Variants in ALK observed in about 807,000 individuals in gnomAD.
ALK encodes the protein ALK tyrosine kinase receptor.
In ALK, 74 loss-of-function variants were observed where a neutral mutation model predicts 163.1. That is an observed-to-expected ratio of 0.45 (90% CI 0.38 to 0.55). The LOEUF is 0.55. Among genes scored for constraint, ALK ranks in the 20% least tolerant of loss-of-function variants. ALK has a pLI of 0.00. For synonymous variants in ALK, 960 were observed against 843.2 expected (o/e 1.14, Z -2.40); for missense variants, 2,063 against 2,105.3 (o/e 0.98, Z 0.39).
chr2:29,699,849 C>T (rs933709745), intron 2 of ALK, among the ~76,000 whole-genome samples: 1 of 152,194 alleles, frequency 6.6e-6, no homozygotes, highest in South Asian at 2.1e-4. Context: ...GGTAATGGAA[C>T]CTTCTGGAAA....
chr2:29,626,073 A>G (rs1469438937), intron 3 of ALK, among the ~76,000 whole-genome samples: 1 of 152,242 alleles, frequency 6.6e-6, no homozygotes, highest in Non-Finnish European at 1.5e-5. Flanking sequence ...GGGCTCTAAG[A>G]ACTACTGATG....
chr2:29,197,253 T>C (rs1323884467), intron 27 of ALK, among the ~76,000 whole-genome samples: 1 of 152,160 alleles, frequency 6.6e-6, no homozygotes, highest in Non-Finnish European at 1.5e-5. Flanking sequence ...CAGCAGGGAC[T>C]GGGCCTGGGA....
intron 9 of ALK, among the ~76,000 whole-genome samples, chr2:29,293,530 T>A (rs1003922312): frequency 2.0e-5 from 3 of 152,054 alleles, no homozygotes; most frequent in African/African-American, 7.3e-5. Context: ...TGGGGATAAT[T>A]TTTTTTAAGT....
intron 3 of ALK, among the ~76,000 whole-genome samples, 200 bp from the exon 4 acceptor site, chr2:29,532,316 G>T (rs571214326): frequency 2.0e-5 from 3 of 152,274 alleles, no homozygotes; most frequent in Admixed American, 2.0e-4. Flanking sequence ...GGTGGACAGT[G>T]GCTGGAGACA....
chr2:29,900,587 G>A (rs1256809150), intron 1 of ALK, among the ~76,000 whole-genome samples: 1 of 152,218 alleles, frequency 6.6e-6, no homozygotes, highest in Non-Finnish European at 1.5e-5. Context: ...CTTGCACAGA[G>A]TGGGTACTTC....
chr2:29,196,070 G>T (rs1031811104), intron 28 of ALK, among the ~76,000 whole-genome samples: 1 of 152,092 alleles, frequency 6.6e-6, no homozygotes, highest in African/African-American at 2.4e-5. Flanking sequence ...AAATGAGGGA[G>T]AGAAGCAAAA....
chr2:29,543,447 G>C (rs1446538787), intron 3 of ALK, among the ~76,000 whole-genome samples: 1 of 152,170 alleles, frequency 6.6e-6, no homozygotes, highest in Non-Finnish European at 1.5e-5. Context: ...CTGCTTCCCA[G>C]TGCCAGCCCA....
chr2:29,416,980 T>A (rs1322670342), intron 4 of ALK, among the ~76,000 whole-genome samples: 1 of 50,296 alleles, frequency 2.0e-5, no homozygotes, highest in African/African-American at 7.0e-5. Context: ...TGTTTGATGC[T>A]TTTTTTTTTT....
intron 4 of ALK, among the ~76,000 whole-genome samples, chr2:29,387,590 T>C (rs1418522352): frequency 6.6e-6 from 1 of 152,166 alleles, no homozygotes; most frequent in African/African-American, 2.4e-5. Flanking sequence ...ATTAGCAAAA[T>C]GCAGGCATTG....
chr2:29,672,687 T>C (rs1677741657), intron 3 of ALK, among the ~76,000 whole-genome samples: 1 of 152,186 alleles, frequency 6.6e-6, no homozygotes, highest in South Asian at 2.1e-4. Flanking sequence ...TTTGGGTATA[T>C]ACCCAGTAAT....
intron 3 of ALK, among the ~76,000 whole-genome samples, chr2:29,674,683 G>A (rs1480738218): frequency 6.6e-6 from 1 of 151,166 alleles, no homozygotes; most frequent in Non-Finnish European, 1.5e-5. Flanking sequence ...AATGATGCTG[G>A]CCTCATAAAA....
chr2:29,222,569 C>T lies in ALK; in HGVS notation c.3398G>A (p.Gly1133Asp), dbSNP rs773881309. 1 of 1,614,068 alleles carries T rather than the reference C, an allele frequency of 6.2e-7. No individual in the cohort carries two copies. The highest frequency in any genetic ancestry group is 8.5e-7 in the Non-Finnish European group (1 of 1,180,024). The change falls in exon 21 of 29, where the codon GGC becomes GAC. Residue 1133 changes from glycine to aspartate, a missense_variant. Gly to Asp is a moderately conservative substitution (Grantham distance 94). This residue lies in a region of ALK where 575 missense variants were observed against 626.6 expected (regional missense o/e 0.92). Transcript: ENST00000389048. ...GHGAFGEVYE[G>D]QVSGMPNDPS... ...GTCGTTGGGCATTCCGGACACCTGGCCTTCATACACCTCCCCAAAGGCGCC... is the reference window on the plus strand; with the variant it reads ...GTCGTTGGGCATTCCGGACACCTGGTCTTCATACACCTCCCCAAAGGCGCC...
chr2:29,586,722 GC>G (rs1481101258), intron 3 of ALK, among the ~76,000 whole-genome samples: 6 of 152,172 alleles, frequency 3.9e-5, no homozygotes, highest in African/African-American at 1.4e-4. Context: ...GAATCAGAAA[GC>G]CCCATCTCCC....
chr2:29,368,483 A>T (rs539480194), intron 5 of ALK, among the ~76,000 whole-genome samples: 110 of 152,334 alleles, frequency 7.2e-4, no homozygotes, highest in Non-Finnish European at 1.2e-3. Flanking sequence ...TCAAAAATCC[A>T]AAGAATTTGA....
At position 29,214,064 on chromosome 2, in the gene ALK, C is replaced by G. The variant is rs751889072; in HGVS notation, c.3663G>C (p.Leu1221=). 8.7e-6 allele frequency: 14 copies of G among 1,613,842 alleles called. No individual in the cohort carries two copies. The highest frequency in any genetic ancestry group is 1.3e-5 in the African/African-American group (1 of 74,876). ...CCACGTGCAGAAGGTCCAGCATGGC[C>G]AGGGAGGAGGGCTGGCTCTGTGGGG... is the stretch of plus-strand genomic sequence containing the variant. ...TRPRPSQPSS[L]AMLDLLHVAR... is the part of the protein sequence containing the mutation. Residue 1221 remains leucine (L), a synonymous_variant, in exon 24 of 29, where the codon CTG becomes CTC. Coordinates refer to ENST00000389048, the MANE Select transcript of ALK (RefSeq NM_004304.5).
Position 29,318,284 on chromosome 2 carries a change from A to C in ALK, c.1647+20T>G. 6.3e-6 allele frequency: 10 copies of C among 1,585,030 alleles called. No homozygotes were observed. Among genetic ancestry groups the C allele is most frequent in the Non-Finnish European group, 8.7e-6 (10 of 1,153,518 alleles). On this transcript the variant is annotated intron_variant, in intron 8 of 28. Transcript: ENST00000389048. ...AGGTGGGAGGAGAAATTAGAGAACTAGAGAAACAAGGAGACTTGCCTCACA... is the reference window on the plus strand; with the variant it reads ...AGGTGGGAGGAGAAATTAGAGAACTCGAGAAACAAGGAGACTTGCCTCACA...
chr2:29,376,281 T>C (rs760094547), intron 5 of ALK, among the ~76,000 whole-genome samples: 1 of 152,274 alleles, frequency 6.6e-6, no homozygotes, highest in African/African-American at 2.4e-5. Context: ...TTTTTAACCA[T>C]TGAGCCGCAT....
At chr2:29,762,077 C>A (rs1372484085) in intron 1 of ALK, among the ~76,000 whole-genome samples, 1 of 152,186 alleles carries the variant, frequency 6.6e-6, no homozygotes, top group Admixed American at 6.6e-5. Context: ...GAAAGAAAAT[C>A]ATTTGCCTTT....
chr2:29,681,014 G>T (rs2631992), intron 3 of ALK: 132,392 of 152,218 alleles, frequency 0.87, 57,844 homozygotes, highest in African/African-American at 0.95. Flanking sequence ...TTATTTTTAC[G>T]TTTTAATAAA....
Sources: allele counts gnomAD v4.1 joint callset (sites outside exome capture counted in the v4.1 genomes callset), GRCh38; gene constraint gnomAD v4.1.1; regional missense constraint gnomAD v4.1.1; transcripts MANE v1.5; gene names NCBI Gene and HGNC (gene_info 2026-07-23, HGNC 2026-07-21).